Variants in CDK19 observed in about 807,000 individuals in gnomAD.
CDK19 encodes cyclin dependent kinase 19.
Under a neutral mutation model 68.3 loss-of-function variants are expected in CDK19, and 20 were observed. That is an observed-to-expected ratio of 0.29 (90% confidence interval 0.21 to 0.43). The LOEUF (loss-of-function observed/expected upper bound fraction) is 0.43, where lower values mean the gene tolerates loss of function less well. Ranked by LOEUF, CDK19 falls within the 20% of genes least tolerant of loss-of-function variation. The pLI, the probability that CDK19 is intolerant of heterozygous loss-of-function variation, is 1.00. For missense variants in CDK19, 339 were observed against 623.5 expected, an observed-to-expected ratio of 0.54 and a Z score of 4.86; for synonymous variants, 221 against 222.8, an observed-to-expected ratio of 0.99 and a Z score of 0.07.
At chr6:110,760,702 T>C (rs887052265) in intron 1 of CDK19, among the ~76,000 whole-genome samples, 13 of 152,246 alleles carry the variant, frequency 8.5e-5, no homozygotes, top group African/African-American at 2.4e-4. Context: ...TACTCCAGCC[T>C]GGGCGACAGG....
intron 2 of CDK19, among the ~76,000 whole-genome samples, chr6:110,675,260 G>T (rs889664098): frequency 6.6e-6 from 1 of 152,172 alleles, no homozygotes; most frequent in Non-Finnish European, 1.5e-5. Flanking sequence ...TCTTACTAGG[G>T]TTTAACGCAA....
chr6:110,767,159 A>G (rs1318252162), intron 1 of CDK19, among the ~76,000 whole-genome samples: 2 of 106,412 alleles, frequency 1.9e-5, no homozygotes, highest in East Asian at 4.2e-4. Flanking sequence ...ATAAATAGGA[A>G]AAAAAAAAAA....
intron 2 of CDK19, among the ~76,000 whole-genome samples, chr6:110,680,875 T>G (rs189142964): frequency 6.6e-6 from 1 of 152,172 alleles, no homozygotes; most frequent in Non-Finnish European, 1.5e-5. Context: ...TATATGCCTG[T>G]AATCCCAGCT....
chr6:110,660,111 C>T (rs866937061), intron 4 of CDK19, among the ~76,000 whole-genome samples: 25 of 152,160 alleles, frequency 1.6e-4, no homozygotes, highest in Admixed American at 1.3e-3. Context: ...GGACTGCAGG[C>T]ATGTGCCATC....
intron 1 of CDK19, among the ~76,000 whole-genome samples, chr6:110,808,017 C>G (rs1782800391): frequency 6.6e-6 from 1 of 152,122 alleles, no homozygotes; most frequent in Admixed American, 6.6e-5. Flanking sequence ...TTTGCTTTAT[C>G]AAGCTATTTC....
chr6:110,754,983 ATT>A (rs149467670), intron 1 of CDK19, among the ~76,000 whole-genome samples: 2 of 141,922 alleles, frequency 1.4e-5, no homozygotes, highest in Admixed American at 7.1e-5. Context: ...TCCCTTGTGA[ATT>A]TTTTTTTTTT....
chr6:110,618,582 G>A (rs936662157), intron 12 of CDK19, among the ~76,000 whole-genome samples: 9 of 152,188 alleles, frequency 5.9e-5, no homozygotes, highest in Non-Finnish European at 1.2e-4. Flanking sequence ...GTGGGGTTGA[G>A]GTCCCACCAG....
chr6:110,643,924 A>T (rs147657432), intron 4 of CDK19, among the ~76,000 whole-genome samples: 7 of 152,106 alleles, frequency 4.6e-5, no homozygotes. Flanking sequence ...ATTAAAATTT[A>T]AAATTTTAAT....
chr6:110,756,287 G>A (rs900979624), intron 1 of CDK19, among the ~76,000 whole-genome samples: 5 of 152,084 alleles, frequency 3.3e-5, no homozygotes, highest in Admixed American at 1.3e-4. Flanking sequence ...CTACTCAGGA[G>A]GCTAAGGCAG....
chr6:110,674,331 C>T (rs1298671716), intron 2 of CDK19, among the ~76,000 whole-genome samples: 1 of 152,112 alleles, frequency 6.6e-6, no homozygotes, highest in African/African-American at 2.4e-5. Flanking sequence ...TCCAACTGTT[C>T]AAGTGAAAGG....
At chr6:110,626,969 C>T in intron 7 of CDK19, 33 bp downstream of exon 7, 2 of 1,568,486 alleles carry the variant, frequency 1.3e-6, no homozygotes, top group Non-Finnish European at 1.7e-6. Context: ...AAATATGACT[C>T]AAAATATGAC....
chr6:110,622,672 T>C (rs1410535721), intron 10 of CDK19, 143 bp downstream of exon 10: 6 of 610,592 alleles, frequency 9.8e-6, no homozygotes, highest in Non-Finnish European at 1.5e-5. Context: ...TGTTTCAAAA[T>C]GTGGAAGCTT....
chr6:110,736,818 T>C (rs1185338664), intron 2 of CDK19, among the ~76,000 whole-genome samples: 1 of 152,188 alleles, frequency 6.6e-6, no homozygotes, highest in African/African-American at 2.4e-5. Context: ...CATACCAGTA[T>C]CAGATTTATT....
intron 12 of CDK19, among the ~76,000 whole-genome samples, chr6:110,619,807 A>G (rs1369096698): frequency 6.6e-6 from 1 of 151,778 alleles, no homozygotes; most frequent in South Asian, 2.1e-4. Context: ...TTCCTCCCCA[A>G]CTGCCAGCCC....
In CDK19 at chr6:110,797,659, A is replaced by G. The variant is rs73530445; in HGVS notation, c.128+17350T>C. 4.9e-3 allele frequency among the ~76,000 whole-genome samples: 747 copies of G among 152,354 alleles called. 7 individuals are homozygous for G. Among genetic ancestry groups the G allele is most frequent in the African/African-American group, 0.017 (712 of 41,588 alleles). On this transcript the variant is annotated intron_variant, in intron 1 of 12. Coordinates refer to ENST00000368911, the MANE Select transcript of CDK19 (RefSeq NM_015076.5). Reference sequence around the variant, plus strand: ...CAATCTGAAGCAATAGCTACTATAGAAAGGAAACAGACTTTGTATGAACTC... The same window carrying G: ...CAATCTGAAGCAATAGCTACTATAGGAAGGAAACAGACTTTGTATGAACTC...
intron 1 of CDK19, among the ~76,000 whole-genome samples, chr6:110,800,299 G>C (rs930811794): frequency 1.3e-5 from 2 of 152,028 alleles, no homozygotes; most frequent in African/African-American, 4.8e-5. Flanking sequence ...TTATGAAATG[G>C]AATCAGTAAT....
intron 6 of CDK19, 64 bp from the exon 7 acceptor site, chr6:110,627,209 C>T (rs1779142701): frequency 3.3e-6 from 4 of 1,198,330 alleles, no homozygotes; most frequent in East Asian, 2.7e-5. Flanking sequence ...AGATATAATC[C>T]CAGCCTACTT....
intron 1 of CDK19, among the ~76,000 whole-genome samples, chr6:110,800,075 G>A (rs1782241707): frequency 6.6e-6 from 1 of 152,144 alleles, no homozygotes; most frequent in African/African-American, 2.4e-5. Context: ...GAATGCTTAA[G>A]TGTTCACTTT....
intron 1 of CDK19, chr6:110,813,564 C>T (rs1783287546): frequency 6.6e-6 from 1 of 151,964 alleles, no homozygotes. Flanking sequence ...TCAAGGACAC[C>T]TGGTAATTAA....
Sources: allele counts gnomAD v4.1 joint callset (sites outside exome capture counted in the v4.1 genomes callset), GRCh38; gene constraint gnomAD v4.1.1; transcripts MANE v1.5; gene names NCBI Gene and HGNC (gene_info 2026-07-23, HGNC 2026-07-21).